RELN: variants seen among roughly 807,000 people sequenced by gnomAD.
The protein encoded by RELN is reelin.
In RELN, 108 loss-of-function variants were observed where a neutral mutation model predicts 427.6. The ratio of observed to expected loss-of-function variants is 0.25; its 90% CI spans 0.22 to 0.30. The LOEUF (loss-of-function observed/expected upper bound fraction) is 0.30. Ranked by LOEUF, RELN falls within the 10% of genes least tolerant of loss-of-function variation. RELN has a pLI of 1.00. For missense variants in RELN, 3,715 were observed against 4,302.8 expected (o/e 0.86, Z 3.82); for synonymous variants, 1,524 against 1,513.4 (o/e 1.01, Z -0.16).
At chr7:103,917,045 C>T in intron 2 of RELN, 30 bp downstream of exon 2, 1 of 1,518,864 alleles carries the variant, frequency 6.6e-7, no homozygotes, top group Non-Finnish European at 9.1e-7. Context: ...TAAAATACCC[C>T]CAAATTTCTG....
At chr7:103,505,033 GCA>G (rs1829161635) in intron 51 of RELN, among the ~76,000 whole-genome samples, 1 of 152,160 alleles carries the variant, frequency 6.6e-6, no homozygotes, top group African/African-American at 2.4e-5. Context: ...TCCTCTCTGG[GCA>G]GGGCATCTCT....
intron 11 of RELN, among the ~76,000 whole-genome samples, chr7:103,663,904 G>C (rs1363571775): frequency 6.6e-6 from 1 of 151,706 alleles, no homozygotes; most frequent in African/African-American, 2.4e-5. Flanking sequence ...CTTATATAGA[G>C]GACTGACCTC....
At chr7:103,747,610 A>T (rs1320467284) in intron 6 of RELN, among the ~76,000 whole-genome samples, 2 of 150,206 alleles carry the variant, frequency 1.3e-5, no homozygotes, top group East Asian at 3.9e-4. Context: ...TCATCTCTCA[A>T]ATAATGACAG....
intron 46 of RELN, among the ~76,000 whole-genome samples, 192 bp downstream of exon 46, chr7:103,535,124 A>G (rs569553678): frequency 2.0e-4 from 30 of 152,236 alleles, no homozygotes; most frequent in Non-Finnish European, 2.6e-4. Context: ...TTGGGAAAAC[A>G]TGGAATAATG....
At chr7:103,737,951 C>T (rs77529141) in intron 6 of RELN, among the ~76,000 whole-genome samples, 7,605 of 151,952 alleles carry the variant, frequency 0.05, 259 homozygotes, top group Non-Finnish European at 0.074. Flanking sequence ...TTATTTGTGG[C>T]TTTCTTGATG....
At chr7:103,486,513 C>A in intron 60 of RELN, 97 bp from the exon 61 acceptor site, 2 of 905,320 alleles carry the variant, frequency 2.2e-6, no homozygotes, top group Non-Finnish European at 3.5e-6. Flanking sequence ...GTAGTTGTTA[C>A]TGTAAGAATG....
At chr7:103,556,716 C>G (rs1272179417) in intron 38 of RELN, among the ~76,000 whole-genome samples, 1 of 152,158 alleles carries the variant, frequency 6.6e-6, no homozygotes, top group East Asian at 1.9e-4. Context: ...ATGCCTTTTG[C>G]CTCCCGCCAC....
chr7:103,691,105 T>C (rs1330334455), intron 10 of RELN, among the ~76,000 whole-genome samples: 1 of 152,074 alleles, frequency 6.6e-6, no homozygotes, highest in Non-Finnish European at 1.5e-5. Flanking sequence ...ATCTATTTCA[T>C]ATTAATTACT....
Position 103,610,805 on chromosome 7 carries a change from T to A in RELN, c.2898A>T (p.Glu966Asp), listed in dbSNP as rs1451855871. ...GACAACTTGGCATACTTGGAAGGCA[T>A]TCCTGAAAGAAAGTTAGGCACAAAT... ...HGLTWHLVQE[E>D]CLPSMPSCQE... is the part of the protein sequence containing the mutation. The change falls in exon 22 of 65, where the codon GAA becomes GAT. Residue 966 changes from glutamate to aspartate, a missense_variant and splice_region_variant. Physicochemically the swap from Glu to Asp is conservative, Grantham distance 45. Coordinates refer to ENST00000428762, the MANE Select transcript of RELN (RefSeq NM_005045.4). 1.3e-6 allele frequency: 2 copies of A among 1,580,168 alleles called. No individual in the cohort carries two copies. The highest frequency in any genetic ancestry group is 1.7e-6 in the Non-Finnish European group (2 of 1,149,466).
At chr7:103,877,411 C>T (rs1563066321) in intron 2 of RELN, among the ~76,000 whole-genome samples, 2 of 152,126 alleles carry the variant, frequency 1.3e-5, no homozygotes, top group East Asian at 1.9e-4. Flanking sequence ...CTGAGCCTTA[C>T]TTTTGACCCT....
At chr7:103,520,129 C>T (rs1829665886) in intron 48 of RELN, among the ~76,000 whole-genome samples, 1 of 151,750 alleles carries the variant, frequency 6.6e-6, no homozygotes, top group African/African-American at 2.4e-5. Context: ...TCCAAGTTGC[C>T]TTGGCTGTTT....
intron 24 of RELN, among the ~76,000 whole-genome samples, chr7:103,601,791 T>C (rs1012184892): frequency 2.6e-5 from 4 of 152,168 alleles, no homozygotes; most frequent in African/African-American, 9.7e-5. Flanking sequence ...CTCGCATCCC[T>C]AACCAAGCGA....
chr7:103,750,803 A>C (rs1468128524), intron 5 of RELN, among the ~76,000 whole-genome samples: 2 of 152,218 alleles, frequency 1.3e-5, no homozygotes, highest in Non-Finnish European at 2.9e-5. Context: ...CCTAAATAAA[A>C]TCAATTTAGA....
intron 4 of RELN, among the ~76,000 whole-genome samples, chr7:103,760,375 G>C (rs535484215): frequency 2.6e-5 from 4 of 151,980 alleles, no homozygotes; most frequent in Non-Finnish European, 4.4e-5. Context: ...GAATGAGGTC[G>C]TGTTTAATTC....
At chr7:103,765,150 T>A (rs77148143) in intron 4 of RELN, among the ~76,000 whole-genome samples, 26,942 of 152,126 alleles carry the variant, frequency 0.18, 2,586 homozygotes, top group East Asian at 0.31. Context: ...GAAATACTTG[T>A]TAAAGTAGCA....
chr7:103,899,911 C>T (rs28883673), intron 2 of RELN, among the ~76,000 whole-genome samples: 11,974 of 152,118 alleles, frequency 0.079, 624 homozygotes, highest in African/African-American at 0.16. Context: ...CCTCTTTCAC[C>T]ACTCCTATTC....
chr7:103,608,158 A>G (rs927341984), intron 22 of RELN, among the ~76,000 whole-genome samples: 3 of 152,218 alleles, frequency 2.0e-5, no homozygotes, highest in Admixed American at 1.3e-4. Context: ...CCTTTCCCCA[A>G]TGCTTGAGAA....
intron 22 of RELN, among the ~76,000 whole-genome samples, chr7:103,609,222 C>CAAAAAAAAAA (rs11342938): frequency 8.3e-6 from 1 of 120,704 alleles, no homozygotes. Flanking sequence ...GACTCTGTCT[C>CAAAAAAAAAA]AAAAAAAAAA....
chr7:103,538,828 G>A (rs915003253), intron 45 of RELN, among the ~76,000 whole-genome samples: 36 of 152,238 alleles, frequency 2.4e-4, no homozygotes, highest in Admixed American at 6.5e-4. Context: ...GTTATTTACT[G>A]TATAAAATAA....
Sources: allele counts gnomAD v4.1 joint callset (sites outside exome capture counted in the v4.1 genomes callset), GRCh38; gene constraint gnomAD v4.1.1; transcripts MANE v1.5; gene names NCBI Gene and HGNC (gene_info 2026-07-23, HGNC 2026-07-21).